Variants in CROCC observed in about 807,000 individuals in gnomAD.
The protein encoded by CROCC is ciliary rootlet coiled-coil, rootletin.
Under a neutral mutation model 245.2 loss-of-function variants are expected in CROCC, and 180 were observed. The observed-to-expected ratio is 0.73, with a 90% CI of 0.65 to 0.83. The LOEUF (loss-of-function observed/expected upper bound fraction) is 0.83. Among genes scored for constraint, CROCC ranks in the 40% least tolerant of loss-of-function variants. The pLI is 0.00. For synonymous variants in CROCC, 1,205 were observed against 1,241.6 expected (o/e 0.97, Z 0.62); for missense variants, 2,688 against 2,779.4 (o/e 0.97, Z 0.74).
chr1:16,948,639 C>T (rs1284799643), intron 18 of CROCC, 115 bp downstream of exon 18: 30 of 1,491,512 alleles, frequency 2.0e-5, no homozygotes, highest in Admixed American at 7.4e-5. Flanking sequence ...TCTGGCTTGC[C>T]GACTCGTCCT....
rs1481833791 is a variant in CROCC, at chr1:16,954,404, TC to T, written c.3321+50del. On this transcript the variant is annotated intron_variant, in intron 22 of 36. Coordinates refer to ENST00000375541, the MANE Select transcript of CROCC (RefSeq NM_014675.5). The surrounding 1 kb of genome is among the most constrained non-coding windows in gnomAD (Gnocchi z 4.4). Reference sequence around the variant, plus strand: ...GGCCTCTGTCTCATAGAGAGGCACATCCCTGGCTGAGGAGCCCCCACCACGG... The same window carrying T: ...GGCCTCTGTCTCATAGAGAGGCACATCCTGGCTGAGGAGCCCCCACCACGG... 1 of 1,577,674 alleles carries T rather than the reference TC, an allele frequency of 6.3e-7. No individual in the cohort carries two copies. The highest frequency in any genetic ancestry group is 8.6e-7 in the Non-Finnish European group (1 of 1,158,334).
At chr1:16,959,093 G>A (rs1184057556) in intron 26 of CROCC, among the ~76,000 whole-genome samples, 2 of 152,176 alleles carry the variant, frequency 1.3e-5, no homozygotes, top group African/African-American at 4.8e-5. Flanking sequence ...CACCATCTCG[G>A]CTCACTGCAA....
chr1:16,945,734 C>T, intron 15 of CROCC, 128 bp downstream of exon 15: 3 of 1,002,442 alleles, frequency 3.0e-6, no homozygotes, highest in Non-Finnish European at 2.9e-6. Flanking sequence ...TGACCCCTTC[C>T]TTCTGGATAC....
At chr1:16,923,674 C>CTTTTTTTTTTTTTTTTTTT (rs61063425) in intron 2 of CROCC, among the ~76,000 whole-genome samples, 1 of 103,498 alleles carries the variant, frequency 9.7e-6, no homozygotes, top group Non-Finnish European at 1.9e-5. Context: ...ACTATTCTAC[C>CTTTTTTTTTTTTTTTTTTT]TTTTTTTTTT....
intron 27 of CROCC, 145 bp from the exon 28 acceptor site, chr1:16,965,578 G>T: frequency 1.5e-6 from 1 of 682,350 alleles, no homozygotes; most frequent in South Asian, 1.8e-5. Context: ...GTTTCAGCTG[G>T]GATGGGCAAG....
At chr1:16,935,550 A>T (rs2075769807) in intron 8 of CROCC, among the ~76,000 whole-genome samples, 1 of 152,258 alleles carries the variant, frequency 6.6e-6, no homozygotes, top group Non-Finnish European at 1.5e-5. Flanking sequence ...CCTCCCGAGT[A>T]GCTGGGACTA....
At position 16,922,016 on chromosome 1, in the gene CROCC, C is replaced by T. The variant is rs190520832; in HGVS notation, c.-3C>T. On this transcript the variant is annotated 5_prime_UTR_variant, in exon 1 of 37. Transcript: ENST00000375541. ...CTGGAGGCATGCCCACAGCCTCCCC[C>T]CCATGAGCTTGGGGCTGGCGGGGGC... The T allele has an allele frequency of 2.3e-5, 36 of 1,551,266 alleles. No individual in the cohort carries two copies. Among genetic ancestry groups the T allele is most frequent in the Middle Eastern group, 1.7e-4 (1 of 5,984 alleles).
At chr1:16,970,230 G>A (rs749570114) in intron 33 of CROCC, 23 bp from the exon 34 acceptor site, 2 of 1,527,664 alleles carry the variant, frequency 1.3e-6, no homozygotes, top group Admixed American at 2.0e-5. Context: ...AGGGATTCGG[G>A]GCCTGCCTGG....
intron 13 of CROCC, among the ~76,000 whole-genome samples, chr1:16,943,239 T>TAA (rs61046288): frequency 6.8e-3 from 916 of 135,264 alleles, no homozygotes; most frequent in Non-Finnish European, 0.01. Flanking sequence ...AGATGCCGTC[T>TAA]AAAAAAAAAA....
chr1:16,943,228 G>A (rs1220969034), intron 13 of CROCC, among the ~76,000 whole-genome samples: 231 of 148,678 alleles, frequency 1.6e-3, no homozygotes, highest in African/African-American at 5.5e-3. Context: ...GCGACAGAGT[G>A]AGATGCCGTC....
At chr1:16,924,630 G>A (rs577844179) in intron 3 of CROCC, 151 bp downstream of exon 3, 98 of 1,035,618 alleles carry the variant, frequency 9.5e-5, no homozygotes, top group Middle Eastern at 2.3e-4. Flanking sequence ...CTTGAGTGGC[G>A]TTGAGCAAAT....
At chr1:16,916,844 GCAGTGGCTCATGCCTATAATCCCAGC>G (rs2075310740) in intron 1 of CROCC, among the ~76,000 whole-genome samples, 1 of 152,288 alleles carries the variant, frequency 6.6e-6, no homozygotes, top group Non-Finnish European at 1.5e-5. Flanking sequence ...TGGGCTGGGC[GCAGTGGCTCATGCCTATAATCCCAGC>G]ACTTTGAGAG....
intron 13 of CROCC, among the ~76,000 whole-genome samples, chr1:16,940,601 G>C (rs2075908643): frequency 6.6e-6 from 1 of 152,196 alleles, no homozygotes; most frequent in Non-Finnish European, 1.5e-5. Context: ...TCTTGGCCAG[G>C]CTGATCTTGA....
chr1:16,953,012 G>C (rs1361330139), intron 20 of CROCC: 3 of 385,602 alleles, frequency 7.8e-6, no homozygotes, highest in African/African-American at 4.0e-5. Context: ...CTTTCCAGGG[G>C]CTGTGTTCTT....
At chr1:16,921,703 G>C (rs1224074714), upstream of CROCC, among the ~76,000 whole-genome samples, 1 of 152,230 alleles carries the variant, frequency 6.6e-6, no homozygotes, top group African/African-American at 2.4e-5. Flanking sequence ...ACCTCCAGGT[G>C]TCTCCCCTGT....
chr1:16,942,831 C>T (rs1327980473), intron 13 of CROCC, among the ~76,000 whole-genome samples: 5 of 152,278 alleles, frequency 3.3e-5, no homozygotes, highest in African/African-American at 1.2e-4. Context: ...GTCGACTGAG[C>T]GAGGTGGCTC....
At chr1:16,923,456 T>C (rs2075454855) in intron 2 of CROCC, among the ~76,000 whole-genome samples, 1 of 152,236 alleles carries the variant, frequency 6.6e-6, no homozygotes, top group Non-Finnish European at 1.5e-5. Context: ...ACCTGGGGTG[T>C]ATGTCCAGTT....
At chr1:16,937,361 A>AC (rs1462910224) in intron 9 of CROCC, among the ~76,000 whole-genome samples, 1 of 152,112 alleles carries the variant, frequency 6.6e-6, no homozygotes, top group Non-Finnish European at 1.5e-5. Context: ...TCAAAAAAAA[A>AC]AAAACAAAAA....
chr1:16,925,803 G>A (rs141626546), intron 3 of CROCC, among the ~76,000 whole-genome samples: 417 of 152,050 alleles, frequency 2.7e-3, no homozygotes, highest in African/African-American at 8.5e-3. Context: ...GCGGCCCGCA[G>A]TGGCCCCTGG....
Sources: allele counts gnomAD v4.1 joint callset (sites outside exome capture counted in the v4.1 genomes callset), GRCh38; gene constraint gnomAD v4.1.1; non-coding constraint Gnocchi (gnomAD v3.1); transcripts MANE v1.5; gene names NCBI Gene and HGNC (gene_info 2026-07-23, HGNC 2026-07-21).